ARHGAP29: variants seen among roughly 807,000 people sequenced by gnomAD.
ARHGAP29 encodes Rho GTPase activating protein 29, also known as rho GTPase-activating protein 29.
In ARHGAP29, 43 loss-of-function variants were observed where a neutral mutation model predicts 122.6. That is an observed-to-expected ratio of 0.35 (90% confidence interval 0.27 to 0.45). The LOEUF (loss-of-function observed/expected upper bound fraction) is 0.45. Ranked by LOEUF, ARHGAP29 falls within the 20% of genes least tolerant of loss-of-function variation. The probability of loss-of-function intolerance (pLI) is 1.00; values close to 1 mark genes in which losing one functional copy is unlikely to be tolerated. For synonymous variants in ARHGAP29, 506 were observed against 497.1 expected, an observed-to-expected ratio of 1.02 and a Z score of -0.24; for missense variants, 1,303 against 1,477.2, an observed-to-expected ratio of 0.88 and a Z score of 1.93.
Position 94,179,755 on chromosome 1 carries a change from CTG to C in ARHGAP29, c.2448_2449del (p.Asn816LysfsTer36). ...TAGATGTACTATAAGGAAATGAAGA[CTG>C]TTAAAATTTGATGCTGGCAATTGTC... On this transcript the variant is annotated frameshift_variant, in exon 20 of 23. Transcript: ENST00000260526. LOFTEE classifies it high-confidence loss of function. 3 of 1,612,810 alleles carry C rather than the reference CTG, an allele frequency of 1.9e-6. No individual in the cohort carries two copies. The highest frequency in any genetic ancestry group is 2.5e-6 in the Non-Finnish European group (3 of 1,179,240).
intron 1 of ARHGAP29, among the ~76,000 whole-genome samples, chr1:94,263,599 T>C (rs1411401444): frequency 1.3e-5 from 2 of 152,198 alleles, no homozygotes; most frequent in African/African-American, 4.8e-5. Context: ...TGTTTATATT[T>C]TCTGCTTATA....
chr1:94,237,807 A>G, upstream of ARHGAP29: 1 of 980,372 alleles, frequency 1.0e-6, no homozygotes, highest in Non-Finnish European at 1.2e-6. Context: ...TTTGGCTTGC[A>G]GGGGACAGGC....
rs1385214215 is a variant in ARHGAP29 at position 94,169,168 on chromosome 1, CAGTG to C, written c.*4697_*4700del. On this transcript the variant is annotated 3_prime_UTR_variant, in exon 23 of 23. Transcript: ENST00000260526. Reference sequence around the variant, plus strand: ...ACTTTTAAACTTTCTCTGATAAATTCAGTGAGTATTCAATAATTGCTCATTATCA... The same window carrying C: ...ACTTTTAAACTTTCTCTGATAAATTCAGTATTCAATAATTGCTCATTATCA... Among the ~76,000 whole-genome samples, 2 of 152,156 alleles carry C rather than the reference CAGTG, an allele frequency of 1.3e-5. No individual in the cohort carries two copies. The highest frequency in any genetic ancestry group is 3.8e-4 in the East Asian group (2 of 5,198).
intron 20 of ARHGAP29, among the ~76,000 whole-genome samples, chr1:94,179,514 A>G (rs1413022986): frequency 1.4e-5 from 2 of 146,292 alleles, no homozygotes; most frequent in Non-Finnish European, 3.0e-5. Flanking sequence ...GAATTGCTTG[A>G]ACCCAGGAGG....
At chr1:94,240,193 T>C (rs1257782608), upstream of ARHGAP29, among the ~76,000 whole-genome samples, 1 of 152,118 alleles carries the variant, frequency 6.6e-6, no homozygotes, top group Admixed American at 6.5e-5. Context: ...AGAGTCACAA[T>C]AGTTGGCTAT....
At chr1:94,215,121 A>T (rs1651878751) in intron 3 of ARHGAP29, among the ~76,000 whole-genome samples, 1 of 149,934 alleles carries the variant, frequency 6.7e-6, no homozygotes, top group Non-Finnish European at 1.5e-5. Flanking sequence ...AAAAAAAAAG[A>T]AAATAATAAA....
chr1:94,243,582 T>TGGG lies in ARHGAP29; in HGVS notation c.-32-11940_-32-11939insCCC, dbSNP rs1653686072. On this transcript the variant is annotated intron_variant and NMD_transcript_variant, in intron 1 of 25. Coordinates refer to the ARHGAP29 transcript ENST00000552844. ...AAAATACACAGTTTTAGATGCTTTA[T>TGGG]TGTAAAAGAGAAGGGTCTAAAGTCA... is the stretch of plus-strand genomic sequence containing the variant. Among the ~76,000 whole-genome samples, 2 of 152,018 alleles carry TGGG rather than the reference T, an allele frequency of 1.3e-5. 1 individual carries two copies. The highest frequency in any genetic ancestry group is 3.9e-4 in the East Asian group (2 of 5,194).
At chr1:94,196,558 GCCC>G (rs1236222567) in intron 12 of ARHGAP29, among the ~76,000 whole-genome samples, 3 of 151,994 alleles carry the variant, frequency 2.0e-5, no homozygotes, top group African/African-American at 7.2e-5. Flanking sequence ...ACCGCGCCCG[GCCC>G]CTGTTTTTCT....
upstream of ARHGAP29, among the ~76,000 whole-genome samples, chr1:94,241,787 C>A (rs1456503558): frequency 7.4e-5 from 11 of 147,786 alleles, no homozygotes; most frequent in Non-Finnish European, 6.0e-5. Context: ...CAGACATACT[C>A]TTCCCTGTAG....
At chr1:94,184,668 T>G (rs1378846938) in intron 18 of ARHGAP29, among the ~76,000 whole-genome samples, 1 of 151,850 alleles carries the variant, frequency 6.6e-6, no homozygotes, top group Non-Finnish European at 1.5e-5. Context: ...GTGGGAGGGT[T>G]GCTTGAGCCT....
rs752667568 is a variant in ARHGAP29 at position 94,209,216 on chromosome 1, C to G, written c.437+38G>C. 7 of 1,400,282 alleles carry G rather than the reference C, an allele frequency of 5.0e-6. No homozygotes were observed. The South Asian group carries it at 7.2e-5, about 14-fold the overall frequency. 86.7% of individuals were successfully genotyped at this position (1,400,282 alleles called of 1,614,324 possible). A position where few individuals can be genotyped will look rare whatever the true frequency, so the allele number is the denominator to read the frequency against. ...ATGCAACATACTCTCACTAAGACAC[C>G]TAGGACTAGTTGCTTTAAATGACAG... is the stretch of plus-strand genomic sequence containing the variant. On this transcript the variant is annotated intron_variant, in intron 4 of 22. Coordinates refer to ENST00000260526, the MANE Select transcript of ARHGAP29 (RefSeq NM_004815.4).
At chr1:94,205,028 ACT>A (rs1366219575) in intron 7 of ARHGAP29, 31 bp downstream of exon 7, 13 of 1,514,948 alleles carry the variant, frequency 8.6e-6, no homozygotes, top group Non-Finnish European at 1.1e-5. Context: ...TAATTATTAT[ACT>A]CTAAATCAGA....
At chr1:94,197,794 C>A (rs190487626) in intron 12 of ARHGAP29, among the ~76,000 whole-genome samples, 3 of 152,226 alleles carry the variant, frequency 2.0e-5, no homozygotes, top group Non-Finnish European at 2.9e-5. Context: ...TAAAATCTAA[C>A]CTTTATTTAT....
At chr1:94,190,739 T>C (rs1000908930) in intron 12 of ARHGAP29, 3 of 152,096 alleles carry the variant, frequency 2.0e-5, no homozygotes, top group Non-Finnish European at 4.4e-5. Context: ...AACCTAGGCT[T>C]TGGGTATATT....
intron 1 of ARHGAP29, among the ~76,000 whole-genome samples, chr1:94,233,045 G>A (rs1285097603): frequency 2.0e-5 from 3 of 151,282 alleles, no homozygotes; most frequent in African/African-American, 4.9e-5. Context: ...CCTGGGCTCG[G>A]GCCATCTGCC....
intron 1 of ARHGAP29, among the ~76,000 whole-genome samples, chr1:94,246,574 C>A (rs1198653793): frequency 1.3e-5 from 2 of 151,382 alleles, no homozygotes; most frequent in Non-Finnish European, 2.9e-5. Flanking sequence ...GTCAAAGATC[C>A]AAAAAAAACA....
At chr1:94,186,299 T>G (rs986850528) in intron 16 of ARHGAP29, among the ~76,000 whole-genome samples, 200 bp downstream of exon 16, 1 of 152,230 alleles carries the variant, frequency 6.6e-6, no homozygotes, top group Non-Finnish European at 1.5e-5. Context: ...ATTCTTATAT[T>G]TGTATTTGTA....
At position 94,179,814 on chromosome 1, in the gene ARHGAP29, G is replaced by T; in HGVS notation, c.2391C>A (p.Asn797Lys). 6.2e-7 allele frequency: 1 copy of T among 1,613,454 alleles called. No individual in the cohort carries two copies. The highest frequency in any genetic ancestry group is 8.5e-7 in the Non-Finnish European group (1 of 1,179,716). Residue 797 changes from asparagine to lysine, a missense_variant, in exon 20 of 23, where the codon AAC becomes AAA. Around this residue, in one of 3 missense-constraint regions of ARHGAP29, gnomAD observed 620 missense variants for 651.2 expected, o/e 0.95. Transcript: ENST00000260526. ...KKWPNMCIEI[N>K]RILLKSKDLL... ...GGTCTTTGCTTTTTAGAAGAATTCG[G>T]TTTATTTCTATACACATATTTGGCC...
intron 20 of ARHGAP29, among the ~76,000 whole-genome samples, chr1:94,178,984 G>A (rs1649280851): frequency 6.6e-6 from 1 of 151,844 alleles, no homozygotes; most frequent in Admixed American, 6.6e-5. Context: ...CTGATTCAAG[G>A]GCTATCTCCT....
Sources: gnomAD v4.1 joint callset for allele counts (sites outside exome capture counted in the v4.1 genomes callset) on GRCh38, gnomAD v4.1.1 for gene constraint, gnomAD v4.1.1 regional missense constraint, MANE v1.5 for transcripts, NCBI Gene and HGNC (gene_info 2026-07-23, HGNC 2026-07-21) for gene names.